Variants in NHS observed in about 807,000 individuals in gnomAD.
The protein encoded by NHS is NHS actin remodeling regulator.
NHS carries 5 observed loss-of-function variants against 72.5 expected under a neutral mutation model. The observed-to-expected ratio is 0.07, with a 90% CI of 0.04 to 0.14. The LOEUF is 0.14. Ranked by LOEUF, NHS falls within the 10% of genes least tolerant of loss-of-function variation. NHS has a pLI of 1.00. For synonymous variants in NHS, 464 were observed against 547.7 expected, an observed-to-expected ratio of 0.85 and a Z score of 2.13; for missense variants, 1,072 against 1,355.7, an observed-to-expected ratio of 0.79 and a Z score of 3.29.
At chrX:17,561,560 G>GCA (rs2065412873) in intron 1 of NHS, among the ~76,000 whole-genome samples, 1 of 64,815 alleles carries the variant, frequency 1.5e-5, no homozygotes, top group Non-Finnish European at 2.6e-5. Context: ...AAGTGCATGC[G>GCA]CGCGCGCGCG....
chrX:17,725,131 T>C (rs916797603), intron 6 of NHS, among the ~76,000 whole-genome samples: 1 of 110,864 alleles, frequency 9.0e-6, no homozygotes, highest in Non-Finnish European at 1.9e-5. Flanking sequence ...AAGCATATCT[T>C]CTCTTGGTAT....
At chrX:17,472,575 G>A (rs1601721535) in intron 1 of NHS, among the ~76,000 whole-genome samples, 1 of 112,233 alleles carries the variant, frequency 8.9e-6, no homozygotes, top group East Asian at 2.8e-4. Context: ...TCTCTGCAAG[G>A]CAGAGCAACT....
intron 1 of NHS, among the ~76,000 whole-genome samples, chrX:17,618,360 C>A (rs1241883354): frequency 8.9e-6 from 1 of 112,171 alleles, no homozygotes; most frequent in Non-Finnish European, 1.9e-5. Context: ...TTTCTCCTTG[C>A]TCCATTATTT....
At chrX:17,525,019 G>A (rs750542651) in intron 1 of NHS, among the ~76,000 whole-genome samples, 2 of 112,001 alleles carry the variant, frequency 1.8e-5, no homozygotes, top group East Asian at 2.8e-4. Context: ...GAGCTCACAG[G>A]GAGGAAGGGC....
intron 1 of NHS, among the ~76,000 whole-genome samples, chrX:17,479,172 G>T (rs778944100): frequency 8.9e-6 from 1 of 111,939 alleles, no homozygotes; most frequent in South Asian, 3.7e-4. Flanking sequence ...TTCTGTTCCT[G>T]TGTTAGTTTG....
chrX:17,402,741 G>A (rs749424295), intron 1 of NHS, among the ~76,000 whole-genome samples: 22 of 111,500 alleles, frequency 2.0e-4, no homozygotes, highest in East Asian at 1.7e-3. Context: ...GTGCAACTCC[G>A]TGAATATACC....
At chrX:17,549,936 C>T (rs5909139) in intron 1 of NHS, among the ~76,000 whole-genome samples, 35,627 of 110,179 alleles carry the variant, frequency 0.32, 4,458 homozygotes, top group East Asian at 0.73. Flanking sequence ...TTAGAGACAA[C>T]GAGGGATTTG....
intron 1 of NHS, among the ~76,000 whole-genome samples, chrX:17,501,846 G>A (rs922357593): frequency 8.9e-6 from 1 of 112,121 alleles, no homozygotes; most frequent in Non-Finnish European, 1.9e-5. Context: ...TATAGATTTG[G>A]GGTTCATAGA....
In NHS at chrX:17,725,068, T is replaced by C. The variant is rs911722692; in HGVS notation, c.1241-279T>C. ...TTTAGTTTTTAAAAGTAGTCACTTA[T>C]TGTGGCAAATTAACGTGATAGTGAA... On this transcript the variant is annotated intron_variant, in intron 6 of 8. Transcript: ENST00000676302. Among the ~76,000 whole-genome samples, 4 of 111,482 alleles carry C rather than the reference T, an allele frequency of 3.6e-5. No homozygotes were observed. In the Admixed American group the frequency reaches 3.8e-4, roughly 11 times the overall value.
At chrX:17,498,694 C>T (rs901844746) in intron 1 of NHS, among the ~76,000 whole-genome samples, 1 of 111,506 alleles carries the variant, frequency 9.0e-6, no homozygotes. Context: ...ACAAGATGCT[C>T]AGCCCAAACT....
At chrX:17,545,685 T>C (rs2065289656) in intron 1 of NHS, among the ~76,000 whole-genome samples, 1 of 111,821 alleles carries the variant, frequency 8.9e-6, no homozygotes, top group Admixed American at 9.5e-5. Context: ...CCATGGACAT[T>C]GTTTGTGTCC....
At chrX:17,486,712 A>C (rs148117256) in intron 1 of NHS, among the ~76,000 whole-genome samples, 1,127 of 112,199 alleles carry the variant, frequency 0.01, 16 homozygotes, top group African/African-American at 0.035. Flanking sequence ...TTCAGTGGGA[A>C]CAGGAGGGAA....
chrX:17,727,758 G>C lies in NHS; in HGVS notation c.3652G>C (p.Glu1218Gln). ...VEMGPDKLHL[E>Q]KNSTFDVKNR... is the part of the protein sequence containing the mutation. Reference sequence around the variant, plus strand: ...GATGGGACCAGATAAACTACATTTAGAAAAAAACTCTACTTTTGATGTGAA... The same window carrying C: ...GATGGGACCAGATAAACTACATTTACAAAAAAACTCTACTTTTGATGTGAA... Residue 1218 changes from glutamate to glutamine, a missense_variant, in exon 7 of 9, where the codon GAA (glutamate) becomes CAA (glutamine). Coordinates refer to ENST00000676302, the MANE Select transcript of NHS (RefSeq NM_001291867.2). 3.3e-6 allele frequency: 4 copies of C among 1,211,235 alleles called. No homozygotes were observed. The highest frequency in any genetic ancestry group is 4.5e-6 in the Non-Finnish European group (4 of 895,324).
At chrX:17,576,788 G>A (rs544450163) in intron 1 of NHS, among the ~76,000 whole-genome samples, 4 of 111,599 alleles carry the variant, frequency 3.6e-5, no homozygotes, top group African/African-American at 6.5e-5. Flanking sequence ...GGGGAAAGGC[G>A]ACTTATGGAC....
chrX:17,416,792 A>ATGTGTGTGTGTG (rs770265000), intron 1 of NHS, among the ~76,000 whole-genome samples: 9 of 95,716 alleles, frequency 9.4e-5, no homozygotes, highest in African/African-American at 3.1e-4. Context: ...ATGTAGGAGT[A>ATGTGTGTGTGTG]TGTGTGTGTG....
rs1351467496 is a variant in NHS at position 17,723,768 on chromosome X, T to TGC, written c.1109-530_1109-529insCG. ...GTGTGTGTGTGTGTGTGTGTGTGTG[T>TGC]GTGCGCGCGCGTGCGCGCATGGGGA... On this transcript the variant is annotated intron_variant, in intron 5 of 8. Transcript: ENST00000676302. Among the ~76,000 whole-genome samples, 492 of 93,945 alleles carry TGC rather than the reference T, an allele frequency of 5.2e-3. 2 individuals carry two copies. The highest frequency in any genetic ancestry group is 0.022 in the African/African-American group (452 of 20,183). 81.6% of individuals were successfully genotyped at this position (93,945 alleles called of 115,157 possible).
intron 1 of NHS, among the ~76,000 whole-genome samples, chrX:17,545,311 G>A (rs73636652): frequency 0.041 from 4,545 of 112,117 alleles, 259 homozygotes; most frequent in African/African-American, 0.14. Context: ...TTATTTGCTC[G>A]GCTAATAGTC....
chrX:17,509,909 C>A (rs1036957025), intron 1 of NHS, among the ~76,000 whole-genome samples: 7 of 112,719 alleles, frequency 6.2e-5, no homozygotes, highest in African/African-American at 2.3e-4. Context: ...ATAGTAGCAG[C>A]AGACAATTCC....
At chrX:17,578,876 G>A (rs1386284946) in intron 1 of NHS, among the ~76,000 whole-genome samples, 1 of 111,864 alleles carries the variant, frequency 8.9e-6, no homozygotes, top group Non-Finnish European at 1.9e-5. Context: ...TGCAGTGTTG[G>A]AGAGGGTGTT....
Sources: gnomAD v4.1 joint callset for allele counts (sites outside exome capture counted in the v4.1 genomes callset) on GRCh38, gnomAD v4.1.1 for gene constraint, MANE v1.5 for transcripts, NCBI Gene and HGNC (gene_info 2026-07-23, HGNC 2026-07-21) for gene names.